WWOX: variants seen among roughly 807,000 people sequenced by gnomAD.
The protein encoded by WWOX is WW domain containing oxidoreductase.
A neutral mutation model predicts 46.2 loss-of-function variants in WWOX; 69 were observed. The observed-to-expected ratio is 1.49, with a 90% confidence interval of 1.23 to 1.82. The LOEUF is 1.82. Ranked by LOEUF, WWOX falls within the 40% of genes most tolerant of loss-of-function variation. The pLI, the probability that WWOX is intolerant of heterozygous loss-of-function variation, is 0.00. For missense variants in WWOX, 919 were observed against 542.6 expected, an observed-to-expected ratio of 1.69 and a Z score of -6.89; for synonymous variants, 359 against 202.6, an observed-to-expected ratio of 1.77 and a Z score of -6.56.
rs190003444 is a variant in WWOX, at chr16:78,185,824, G to C, written c.516+21535G>C. 6.7e-3 allele frequency among the ~76,000 whole-genome samples: 985 copies of C among 146,478 alleles called. 4 individuals carry two copies. The highest frequency in any genetic ancestry group is 0.031 in the Middle Eastern group (9 of 294). ...TGGGATTACAGGCACCCACCATCAC[G>C]CCCAGCTAATTTTTGTATTTTTAGT... On this transcript the variant is annotated intron_variant, in intron 5 of 8. Coordinates refer to ENST00000566780, the MANE Select transcript of WWOX (RefSeq NM_016373.4).
intron 6 of WWOX, among the ~76,000 whole-genome samples, chr16:78,403,698 G>C (rs901732547): frequency 6.6e-6 from 1 of 152,176 alleles, no homozygotes; most frequent in African/African-American, 2.4e-5. Flanking sequence ...CTTCGCATGG[G>C]GGCTCCCCAG....
chr16:79,004,187 TAGTCCCTGTTG>T (rs1289865588), intron 8 of WWOX: 3 of 152,226 alleles, frequency 2.0e-5, no homozygotes, highest in Non-Finnish European at 4.4e-5. Context: ...TTGTTTGATC[TAGTCCCTGTTG>T]AGTCCCTGTG....
At chr16:78,304,630 C>T (rs1337647232) in intron 5 of WWOX, among the ~76,000 whole-genome samples, 1 of 152,208 alleles carries the variant, frequency 6.6e-6, no homozygotes, top group African/African-American at 2.4e-5. Context: ...TCACGATAAT[C>T]CATTGCAGAG....
chr16:78,194,671 T>C (rs527635873), intron 5 of WWOX, among the ~76,000 whole-genome samples: 4 of 152,068 alleles, frequency 2.6e-5, no homozygotes, highest in Admixed American at 2.6e-4. Context: ...GCAATAATTA[T>C]CTGGGACTGA....
chr16:78,595,479 C>G (rs981415100), intron 8 of WWOX, among the ~76,000 whole-genome samples: 1 of 152,202 alleles, frequency 6.6e-6, no homozygotes, highest in Non-Finnish European at 1.5e-5. Context: ...TTGCAACTAA[C>G]ATACTCACTC....
chr16:79,067,729 A>G (rs776837205), intron 8 of WWOX, among the ~76,000 whole-genome samples: 2 of 152,052 alleles, frequency 1.3e-5, no homozygotes, highest in Non-Finnish European at 2.9e-5. Flanking sequence ...CTGCAGCTGT[A>G]TTCGCTGTGC....
intron 5 of WWOX, among the ~76,000 whole-genome samples, chr16:78,352,484 C>G (rs904128622): frequency 1.3e-5 from 2 of 152,206 alleles, no homozygotes; most frequent in Admixed American, 6.5e-5. Flanking sequence ...ATGGCCCCTT[C>G]CTCTATCTTC....
At chr16:78,420,873 A>AGG in intron 6 of WWOX, among the ~76,000 whole-genome samples, 1 of 152,154 alleles carries the variant, frequency 6.6e-6, no homozygotes, top group Non-Finnish European at 1.5e-5. Context: ...GAAAAAAAGT[A>AGG]ATCCTGACTG....
chr16:78,844,277 A>AC (rs2052239612), intron 8 of WWOX, among the ~76,000 whole-genome samples: 2 of 152,212 alleles, frequency 1.3e-5, no homozygotes, highest in Non-Finnish European at 2.9e-5. Flanking sequence ...AGTTCTGCTT[A>AC]CTGACAGCCT....
At chr16:78,368,421 C>T (rs771863270) in intron 5 of WWOX, among the ~76,000 whole-genome samples, 1 of 152,160 alleles carries the variant, frequency 6.6e-6, no homozygotes, top group East Asian at 1.9e-4. Flanking sequence ...CATAAAGTCA[C>T]TGCTGTCCTT....
chr16:78,101,913 G>T (rs2031820514), intron 1 of WWOX, among the ~76,000 whole-genome samples: 2 of 152,162 alleles, frequency 1.3e-5, no homozygotes, highest in South Asian at 4.1e-4. Flanking sequence ...CCCACGCAGT[G>T]TGTATACCAG....
chr16:78,190,016 G>T (rs959510849), intron 5 of WWOX, among the ~76,000 whole-genome samples: 17 of 152,310 alleles, frequency 1.1e-4, no homozygotes, highest in African/African-American at 3.8e-4. Context: ...TATTGTGGCA[G>T]CTGTTATCTT....
chr16:78,224,757 G>T (rs1018041652), intron 5 of WWOX, among the ~76,000 whole-genome samples: 9 of 152,342 alleles, frequency 5.9e-5, no homozygotes, highest in African/African-American at 2.2e-4. Flanking sequence ...CTATTTTCCA[G>T]TATCTTCACT....
intron 8 of WWOX, among the ~76,000 whole-genome samples, chr16:78,472,092 G>A (rs1170086246): frequency 1.3e-5 from 2 of 152,158 alleles, no homozygotes; most frequent in Admixed American, 6.5e-5. Context: ...TATGCTTGCA[G>A]TAGACAGAGA....
Position 78,350,884 on chromosome 16 carries a change from A to G in WWOX, c.517-35976A>G, listed in dbSNP as rs2081171363. Reference sequence around the variant, plus strand: ...TTGAGGAGCCACCAGATTGTTCTCCACAGCAGCCACACCCATCTACATTCT... The same window carrying G: ...TTGAGGAGCCACCAGATTGTTCTCCGCAGCAGCCACACCCATCTACATTCT... On this transcript the variant is annotated intron_variant, in intron 5 of 8. Transcript: ENST00000566780. Among the ~76,000 whole-genome samples, 2 of 112,570 alleles carry G rather than the reference A, an allele frequency of 1.8e-5. 1 individual carries two copies. 73.9% of individuals were successfully genotyped at this position (112,570 alleles called of 152,430 possible). A position where few individuals can be genotyped will look rare whatever the true frequency, so the allele number is the denominator to read the frequency against.
At chr16:78,871,247 AT>A (rs1380143717) in intron 8 of WWOX, among the ~76,000 whole-genome samples, 2 of 146,600 alleles carry the variant, frequency 1.4e-5, no homozygotes, top group East Asian at 2.0e-4. Context: ...AAGAGGGGGG[AT>A]TTTTCCCCCC....
chr16:78,651,376 G>T (rs903644025), intron 8 of WWOX, among the ~76,000 whole-genome samples: 6 of 152,202 alleles, frequency 3.9e-5, no homozygotes, highest in African/African-American at 1.4e-4. Context: ...AATATCTGTG[G>T]ATGTCAGGTT....
chr16:78,897,801 G>C (rs1000069568), intron 8 of WWOX: 4 of 152,154 alleles, frequency 2.6e-5, no homozygotes, highest in African/African-American at 9.7e-5. Flanking sequence ...GTGTGTAAGA[G>C]TTTATGTTGC....
At chr16:78,568,981 C>G (rs1469079355) in intron 8 of WWOX, among the ~76,000 whole-genome samples, 1 of 152,294 alleles carries the variant, frequency 6.6e-6, no homozygotes, top group East Asian at 1.9e-4. Flanking sequence ...GAGTAACCTA[C>G]TCTGGATTTA....
Sources: gnomAD v4.1 joint callset for allele counts (sites outside exome capture counted in the v4.1 genomes callset) on GRCh38, gnomAD v4.1.1 for gene constraint, MANE v1.5 for transcripts, NCBI Gene and HGNC (gene_info 2026-07-23, HGNC 2026-07-21) for gene names.